The following ARHGAP6 variants were observed in gnomAD, a reference collection of about 807,000 sequenced individuals.
The protein encoded by ARHGAP6 is Rho GTPase activating protein 6.
ARHGAP6 carries 16 observed loss-of-function variants against 55.7 expected under a neutral mutation model. The ratio of observed to expected loss-of-function variants is 0.29; its 90% CI spans 0.19 to 0.44. ARHGAP6 has a LOEUF of 0.44. Ranked by LOEUF, ARHGAP6 falls within the 20% of genes least tolerant of loss-of-function variation. The pLI is 1.00. For missense variants in ARHGAP6, 698 were observed against 808.9 expected, an observed-to-expected ratio of 0.86 and a Z score of 1.66; for synonymous variants, 382 against 360.9, an observed-to-expected ratio of 1.06 and a Z score of -0.66.
intron 1 of ARHGAP6, among the ~76,000 whole-genome samples, chrX:11,356,507 G>A (rs2048932819): frequency 8.9e-6 from 1 of 111,775 alleles, no homozygotes; most frequent in African/African-American, 3.3e-5. Context: ...CTTTCACTAG[G>A]ATATATGACC....
At chrX:11,273,672 A>T (rs1312168811) in intron 1 of ARHGAP6, among the ~76,000 whole-genome samples, 2 of 109,730 alleles carry the variant, frequency 1.8e-5, no homozygotes, top group Non-Finnish European at 3.8e-5. Context: ...TTTTAACCTC[A>T]GAAACTACAA....
chrX:11,164,482 T>C (rs1187681924), intron 9 of ARHGAP6, among the ~76,000 whole-genome samples: 1 of 112,308 alleles, frequency 8.9e-6, no homozygotes, highest in Non-Finnish European at 1.9e-5. Context: ...GCTTGACTCT[T>C]TGACTTGGTG....
intron 1 of ARHGAP6, among the ~76,000 whole-genome samples, chrX:11,599,258 T>G (rs2051941435): frequency 9.0e-6 from 1 of 111,411 alleles, no homozygotes; most frequent in South Asian, 3.8e-4. Flanking sequence ...TTAATTCCTT[T>G]GGGTAAATAC....
At chrX:11,178,055 G>C in intron 8 of ARHGAP6, 45 bp downstream of exon 8, 1 of 1,205,403 alleles carries the variant, frequency 8.3e-7, no homozygotes, top group East Asian at 3.0e-5. Flanking sequence ...TTTAAAATAG[G>C]GGAGAGGAAG....
intron 1 of ARHGAP6, among the ~76,000 whole-genome samples, chrX:11,427,950 T>C (rs2049905706): frequency 9.0e-6 from 1 of 111,540 alleles, no homozygotes; most frequent in Non-Finnish European, 1.9e-5. Context: ...CGCTGACAGC[T>C]GTTGGGGGCT....
chrX:11,200,232 CA>C (rs1042246109), intron 2 of ARHGAP6, among the ~76,000 whole-genome samples: 2 of 112,780 alleles, frequency 1.8e-5, no homozygotes, highest in Admixed American at 1.9e-4. Context: ...CACTGTCTTA[CA>C]GACAACAGTG....
At chrX:11,372,459 T>A (rs1186626932) in intron 1 of ARHGAP6, among the ~76,000 whole-genome samples, 2 of 111,210 alleles carry the variant, frequency 1.8e-5, no homozygotes, top group African/African-American at 3.3e-5. Flanking sequence ...TCATGCTATG[T>A]GAATTGTACA....
intron 1 of ARHGAP6, among the ~76,000 whole-genome samples, chrX:11,631,494 C>T (rs985533074): frequency 1.8e-5 from 2 of 109,599 alleles, no homozygotes; most frequent in African/African-American, 6.7e-5. Context: ...TGATTATACT[C>T]CAGCCTGGGC....
intron 1 of ARHGAP6, among the ~76,000 whole-genome samples, chrX:11,262,543 G>A (rs1602980087): frequency 9.0e-6 from 1 of 111,507 alleles, no homozygotes; most frequent in East Asian, 2.8e-4. Context: ...TCATCCAACT[G>A]TAAACTCCCC....
intron 1 of ARHGAP6, among the ~76,000 whole-genome samples, chrX:11,530,509 T>C (rs1046831540): frequency 1.8e-5 from 2 of 111,949 alleles, no homozygotes; most frequent in African/African-American, 6.5e-5. Flanking sequence ...GCTATTACCA[T>C]TCTCGATACA....
intron 1 of ARHGAP6, among the ~76,000 whole-genome samples, chrX:11,382,929 T>C (rs1041246468): frequency 8.9e-6 from 1 of 112,447 alleles, no homozygotes; most frequent in Non-Finnish European, 1.9e-5. Flanking sequence ...TTTACCTCAA[T>C]GGAGAAGTGG....
chrX:11,191,564 G>A (rs1210206176), intron 3 of ARHGAP6, among the ~76,000 whole-genome samples: 4 of 109,799 alleles, frequency 3.6e-5, no homozygotes, highest in East Asian at 2.8e-4. Flanking sequence ...AACAACCTTC[G>A]ACCCACTCTT....
chrX:11,485,703 A>G (rs1268491560), intron 1 of ARHGAP6, among the ~76,000 whole-genome samples: 1 of 112,175 alleles, frequency 8.9e-6, no homozygotes, highest in Non-Finnish European at 1.9e-5. Flanking sequence ...TTTCCCTGTG[A>G]TGACTTGGGG....
chrX:11,530,419 T>G (rs189491391), intron 1 of ARHGAP6, among the ~76,000 whole-genome samples: 1 of 112,545 alleles, frequency 8.9e-6, no homozygotes, highest in Admixed American at 9.4e-5. Context: ...CGGACTCAAC[T>G]TGCTATCTTC....
chrX:11,458,473 G>C (rs923125917), intron 1 of ARHGAP6, among the ~76,000 whole-genome samples: 4 of 112,063 alleles, frequency 3.6e-5, no homozygotes, highest in African/African-American at 6.5e-5. Flanking sequence ...CCACCCTAGG[G>C]TTCCTCCAAG....
At chrX:11,330,388 T>G (rs762091589) in intron 1 of ARHGAP6, among the ~76,000 whole-genome samples, 4 of 112,227 alleles carry the variant, frequency 3.6e-5, no homozygotes, top group African/African-American at 1.3e-4. Context: ...TCAAAATTCA[T>G]AACATCACTT....
chrX:11,575,236 C>T (rs1166459570), intron 1 of ARHGAP6, among the ~76,000 whole-genome samples: 1 of 111,823 alleles, frequency 8.9e-6, no homozygotes, highest in Non-Finnish European at 1.9e-5. Flanking sequence ...CATGAGGATG[C>T]CACAAGACAG....
chrX:11,447,579 G>A (rs186017127), intron 1 of ARHGAP6, among the ~76,000 whole-genome samples: 24 of 112,462 alleles, frequency 2.1e-4, no homozygotes, highest in Non-Finnish European at 3.9e-4. Context: ...TGTCTAGTCT[G>A]CAAAGCTGAA....
At position 11,300,504 on chromosome X, in the gene ARHGAP6, G is replaced by A; in HGVS notation, c.589-45797C>T. 4 of 683,175 alleles carry A rather than the reference G, an allele frequency of 5.9e-6. No homozygotes were observed. In the South Asian group the frequency reaches 1.0e-4, roughly 18 times the overall value. 56.3% of individuals were successfully genotyped at this position (683,175 alleles called of 1,213,427 possible). ...ATTATAGAGTTCAACTTAAATGGTT[G>A]TACATTGTTTTGACAAAACTGAAGC... On this transcript the variant is annotated intron_variant, in intron 1 of 12. Coordinates refer to ENST00000337414, the MANE Select transcript of ARHGAP6 (RefSeq NM_013427.3).
Sources: allele counts gnomAD v4.1 joint callset (sites outside exome capture counted in the v4.1 genomes callset), GRCh38; gene constraint gnomAD v4.1.1; transcripts MANE v1.5; gene names NCBI Gene and HGNC (gene_info 2026-07-23, HGNC 2026-07-21).